The following RNF144A variants were observed in gnomAD, a reference collection of about 807,000 sequenced individuals.
RNF144A encodes the protein E3 ubiquitin-protein ligase RNF144A.
A neutral mutation model predicts 38.7 loss-of-function variants in RNF144A; 11 were observed. The ratio of observed to expected loss-of-function variants is 0.28; its 90% CI spans 0.18 to 0.47. RNF144A has a LOEUF of 0.47. Among genes scored for constraint, RNF144A ranks in the 20% least tolerant of loss-of-function variants. The pLI, the probability that RNF144A is intolerant of heterozygous loss-of-function variation, is 0.99. For synonymous variants in RNF144A, 149 were observed against 143.9 expected (o/e 1.04, Z -0.25); for missense variants, 316 against 377.2 (o/e 0.84, Z 1.34).
intron 3 of RNF144A, among the ~76,000 whole-genome samples, chr2:7,004,109 C>A (rs1004085120): frequency 2.6e-5 from 4 of 152,246 alleles, no homozygotes; most frequent in Non-Finnish European, 4.4e-5. Flanking sequence ...GACTTTGTCA[C>A]TTGCTGTCCC....
chr2:6,994,199 T>C (rs1669573771), intron 2 of RNF144A, among the ~76,000 whole-genome samples: 1 of 152,030 alleles, frequency 6.6e-6, no homozygotes, highest in Non-Finnish European at 1.5e-5. Context: ...AAAAACAAGC[T>C]CTCCCCAGAT....
the RNF144A span, among the ~76,000 whole-genome samples, chr2:7,076,087 C>T: frequency 6.6e-6 from 1 of 152,204 alleles, no homozygotes; most frequent in Admixed American, 6.5e-5. Flanking sequence ...TTGAGCCTCC[C>T]TGTGTTTCTG....
At chr2:6,985,980 T>A (rs1379162881) in intron 2 of RNF144A, among the ~76,000 whole-genome samples, 1 of 152,166 alleles carries the variant, frequency 6.6e-6, no homozygotes, top group African/African-American at 2.4e-5. Context: ...GGCCGCATGT[T>A]TTATCTTTAT....
the RNF144A span, among the ~76,000 whole-genome samples, chr2:7,076,083 C>T: frequency 5.3e-5 from 8 of 152,262 alleles, no homozygotes; most frequent in African/African-American, 1.7e-4. Flanking sequence ...TGCATTGAGC[C>T]TCCCTGTGTT....
At position 7,039,711 on chromosome 2, in the gene RNF144A, G is replaced by C. The variant is rs766805474; in HGVS notation, c.830G>C (p.Cys277Ser). 1 of 1,613,990 alleles carries C rather than the reference G, an allele frequency of 6.2e-7. No individual in the cohort carries two copies. The highest frequency in any genetic ancestry group is 1.7e-5 in the Admixed American group (1 of 59,992). Residue 277 changes from cysteine (C) to serine (S), a missense_variant, in exon 9 of 9, where the codon TGC becomes TCC. Transcript: ENST00000320892. ...CTCCTGGCCACTCCCTTTGTACTTT[G>C]CTGCAAGTGCAAGTGCAGTAAAGGT... ...FLLLATPFVL[C>S]CKCKCSKGDD...
At chr2:7,059,294 T>G (rs1673863202) in intron 6 of RNF144A, among the ~76,000 whole-genome samples, 1 of 151,978 alleles carries the variant, frequency 6.6e-6, no homozygotes, top group Non-Finnish European at 1.5e-5. Context: ...TTCAGTGAGC[T>G]GAGATCATGC....
chr2:6,997,127 A>G (rs1227482157), intron 3 of RNF144A, 66 bp downstream of exon 3: 3 of 1,521,518 alleles, frequency 2.0e-6, no homozygotes, highest in African/African-American at 2.7e-5. Context: ...TTTCATTTGC[A>G]GAGACACTAG....
intron 6 of RNF144A, among the ~76,000 whole-genome samples, chr2:7,022,915 A>G (rs1433681861): frequency 6.6e-6 from 1 of 152,238 alleles, no homozygotes; most frequent in Non-Finnish European, 1.5e-5. Flanking sequence ...AATTGGAAGC[A>G]TTTGAGCTAG....
rs902876196 is a variant in RNF144A at position 6,941,260 on chromosome 2, T to C, written c.-12+113T>C. The C allele has an allele frequency of 3.3e-5, 5 of 152,266 alleles. No homozygotes were observed. Among genetic ancestry groups the C allele is most frequent in the African/African-American group, 1.2e-4 (5 of 41,476 alleles). The allele number at this position is 152,266 out of a possible 1,614,324, so 9.4% of individuals were successfully genotyped here. A position where few individuals can be genotyped will look rare whatever the true frequency, so the allele number is the denominator to read the frequency against. On this transcript the variant is annotated intron_variant, in intron 2 of 8. Coordinates refer to ENST00000320892, the MANE Select transcript of RNF144A (RefSeq NM_014746.6). The surrounding 1 kb of genome is among the most constrained non-coding windows in gnomAD (Gnocchi z 6.5). ...AGGCCTGCCTGGGTGGATTTTTCTA[T>C]ACCTGTTAAGCCATACCATAAAGGC...
At position 7,041,811 on chromosome 2, in the gene RNF144A, C is replaced by T. The variant is rs1365725023; in HGVS notation, c.*2051C>T. The T allele has an allele frequency of 3.7e-5, 36 of 985,400 alleles. No homozygotes were observed. Among genetic ancestry groups the T allele is most frequent in the East Asian group, 2.3e-4 (2 of 8,830 alleles). The allele number at this position is 985,400 out of a possible 1,614,324, so 61.0% of individuals were successfully genotyped here. On this transcript the variant is annotated 3_prime_UTR_variant, in exon 9 of 9. Coordinates refer to ENST00000320892, the MANE Select transcript of RNF144A (RefSeq NM_014746.6). ...GCATGAGCCCACACAGTAGCACCCC[C>T]GTCCTTAGGATGAGAGTCAGAGCCT... is the stretch of plus-strand genomic sequence containing the variant.
intron 1 of RNF144A, among the ~76,000 whole-genome samples, chr2:6,940,662 G>A (rs1046886452): frequency 6.6e-6 from 1 of 152,140 alleles, no homozygotes; most frequent in Non-Finnish European, 1.5e-5. Context: ...GGGCAAAGCC[G>A]AATGGCTGTG....
At chr2:7,062,497 T>TG (rs1674002756) in intron 6 of RNF144A, among the ~76,000 whole-genome samples, 1 of 113,494 alleles carries the variant, frequency 8.8e-6, no homozygotes, top group Non-Finnish European at 1.8e-5. Flanking sequence ...TGCTGGGTGC[T>TG]AAAAAAAAAA....
At chr2:7,027,514 A>G (rs1671987970) in intron 7 of RNF144A, among the ~76,000 whole-genome samples, 1 of 152,240 alleles carries the variant, frequency 6.6e-6, no homozygotes, top group South Asian at 2.1e-4. Context: ...ATCAGCCATC[A>G]GTCCCTGATC....
intron 7 of RNF144A, among the ~76,000 whole-genome samples, chr2:7,027,657 T>TGCG (rs1325545086): frequency 6.6e-6 from 1 of 152,194 alleles, no homozygotes; most frequent in African/African-American, 2.4e-5. Flanking sequence ...TCTCCCTGAT[T>TGCG]GCGGCTTCCC....
At position 7,024,584 on chromosome 2, in the gene RNF144A, T is replaced by C; in HGVS notation, c.657+68T>C. The C allele has an allele frequency of 3.2e-6, 5 of 1,542,276 alleles. No individual in the cohort carries two copies. In the South Asian group the frequency reaches 4.6e-5, roughly 14 times the overall value. ...AGGTTTAGATTTGGAATGAGAAAAA[T>C]AGACCAGCTGTTTCCTAAAGAGCTT... On this transcript the variant is annotated intron_variant, in intron 7 of 8. Transcript: ENST00000320892.
intron 2 of RNF144A, among the ~76,000 whole-genome samples, chr2:6,974,784 G>T (rs1668204631): frequency 6.6e-6 from 1 of 152,110 alleles, no homozygotes; most frequent in Non-Finnish European, 1.5e-5. Flanking sequence ...AGACATGTAG[G>T]GGAGCTGACA....
chr2:6,968,572 A>G (rs1431784312), intron 2 of RNF144A, among the ~76,000 whole-genome samples: 1 of 152,240 alleles, frequency 6.6e-6, no homozygotes, highest in Non-Finnish European at 1.5e-5. Flanking sequence ...CTGGTCTTGA[A>G]AAGAGCTTTG....
At chr2:7,058,001 A>G (rs1272102179) in intron 6 of RNF144A, among the ~76,000 whole-genome samples, 1 of 152,220 alleles carries the variant, frequency 6.6e-6, no homozygotes, top group East Asian at 1.9e-4. Flanking sequence ...TAATGAATAT[A>G]GCACTTCTGA....
rs906308583 is a variant in RNF144A, at chr2:6,958,163, G to A, written c.-12+17016G>A. 1.3e-5 allele frequency among the ~76,000 whole-genome samples: 2 copies of A among 152,358 alleles called. No homozygotes were observed. The highest frequency in any genetic ancestry group is 4.1e-4 in the South Asian group (2 of 4,828). On this transcript the variant is annotated intron_variant, in intron 2 of 8. Coordinates refer to ENST00000320892, the MANE Select transcript of RNF144A (RefSeq NM_014746.6). This position sits in a 1 kb window ranked among gnomAD's most constrained non-coding sequence, Gnocchi z 4.5. ...GCCACCATGGGGCACCGGGCGTGCT[G>A]TCTCTTCCTGGAAGGTGGAACTTGA...
Sources: gnomAD v4.1 joint callset for allele counts (sites outside exome capture counted in the v4.1 genomes callset) on GRCh38, gnomAD v4.1.1 for gene constraint, Gnocchi (gnomAD v3.1) non-coding constraint, MANE v1.5 for transcripts, NCBI Gene and HGNC (gene_info 2026-07-23, HGNC 2026-07-21) for gene names.